CSTPP1: variants seen among roughly 807,000 people sequenced by gnomAD.
CSTPP1 encodes centriolar satellite-associated tubulin polyglutamylase complex regulator 1, also known as UPF0705 protein C11orf49.
At chr11:47,081,841 A>C in the CSTPP1 span, among the ~76,000 whole-genome samples, 1 of 152,012 alleles carries the variant, frequency 6.6e-6, no homozygotes, top group Non-Finnish European at 1.5e-5. Context: ...CTGTAATCCC[A>C]GCACTTTGGG....
At chr11:47,012,517 G>A in the CSTPP1 span, among the ~76,000 whole-genome samples, 2 of 152,000 alleles carry the variant, frequency 1.3e-5, no homozygotes, top group Non-Finnish European at 2.9e-5. Flanking sequence ...TAGGGGATAG[G>A]GGATAGCAAA....
the CSTPP1 span, among the ~76,000 whole-genome samples, chr11:46,962,208 C>T: frequency 6.6e-6 from 1 of 152,116 alleles, no homozygotes; most frequent in Non-Finnish European, 1.5e-5. Context: ...CACAGCCAAG[C>T]CATATCAGGC....
chr11:46,942,444 GAGGTTT>G, the CSTPP1 span, among the ~76,000 whole-genome samples: 1 of 152,170 alleles, frequency 6.6e-6, no homozygotes, highest in Non-Finnish European at 1.5e-5. Flanking sequence ...ATGAGGGCGT[GAGGTTT>G]ATTTTTTACT....
the CSTPP1 span, among the ~76,000 whole-genome samples, chr11:46,978,841 GT>G: frequency 6.6e-6 from 1 of 152,152 alleles, no homozygotes; most frequent in African/African-American, 2.4e-5. Flanking sequence ...TTCTAAGCCC[GT>G]GAGTTTTCAG....
the CSTPP1 span, among the ~76,000 whole-genome samples, chr11:47,110,691 C>A: frequency 1.3e-5 from 2 of 152,164 alleles, no homozygotes; most frequent in African/African-American, 4.8e-5. Flanking sequence ...AAGAAACTGG[C>A]ACAATTTAAA....
At chr11:47,162,985 C>T in the CSTPP1 span, among the ~76,000 whole-genome samples, 3 of 151,982 alleles carry the variant, frequency 2.0e-5, no homozygotes, top group African/African-American at 7.3e-5. Flanking sequence ...TTCAGGACCA[C>T]CCTGGGAAAC....
At chr11:47,141,607 TAA>T in the CSTPP1 span, among the ~76,000 whole-genome samples, 1 of 128,862 alleles carries the variant, frequency 7.8e-6, no homozygotes, top group Admixed American at 7.8e-5. Context: ...ACTCTGTCTT[TAA>T]AAAAAAAAAA....
the CSTPP1 span, chr11:46,936,915 A>C: frequency 2.3e-6 from 1 of 435,622 alleles, no homozygotes; most frequent in Non-Finnish European, 3.2e-6. Flanking sequence ...AGGGTCTGGG[A>C]GGAGGCGGGG....
chr11:47,141,932 CAAAA>C, the CSTPP1 span, among the ~76,000 whole-genome samples: 6 of 37,886 alleles, frequency 1.6e-4, no homozygotes, highest in African/African-American at 4.7e-4. Flanking sequence ...GACTCTGTCT[CAAAA>C]AAAAAAAAAA....
the CSTPP1 span, among the ~76,000 whole-genome samples, chr11:47,128,870 A>G: frequency 6.6e-6 from 1 of 152,156 alleles, no homozygotes; most frequent in Admixed American, 6.5e-5. Context: ...GTGTCTCTGT[A>G]GTAAACTTTT....
chr11:47,156,415 A>T, the CSTPP1 span, among the ~76,000 whole-genome samples: 1 of 152,242 alleles, frequency 6.6e-6, no homozygotes, highest in Non-Finnish European at 1.5e-5. Flanking sequence ...CAGCAGTTCT[A>T]ACAATGGCTC....
the CSTPP1 span, among the ~76,000 whole-genome samples, chr11:47,019,012 AT>A: frequency 6.1e-4 from 89 of 145,790 alleles, no homozygotes; most frequent in Middle Eastern, 3.6e-3. Context: ...GCAAAAGTTT[AT>A]TTTTTTTTTT....
At chr11:46,939,153 C>G in the CSTPP1 span, among the ~76,000 whole-genome samples, 3 of 133,880 alleles carry the variant, frequency 2.2e-5, no homozygotes, top group Admixed American at 2.7e-4. Context: ...TGCAATGATG[C>G]GATCTGGGCT....
At chr11:47,029,133 C>G in the CSTPP1 span, among the ~76,000 whole-genome samples, 1 of 152,130 alleles carries the variant, frequency 6.6e-6, no homozygotes, top group African/African-American at 2.4e-5. Flanking sequence ...GTGTGAGCCA[C>G]TGCACCCAGC....
chr11:47,096,320 G>A, the CSTPP1 span, among the ~76,000 whole-genome samples: 4 of 151,974 alleles, frequency 2.6e-5, no homozygotes, highest in Non-Finnish European at 5.9e-5. Context: ...AACTGAAACC[G>A]TACCCATTAA....
chr11:46,969,030 C>G, the CSTPP1 span, among the ~76,000 whole-genome samples: 1 of 152,190 alleles, frequency 6.6e-6, no homozygotes, highest in Admixed American at 6.5e-5. Flanking sequence ...CTAGAATCCT[C>G]TAGAACCACT....
At chr11:47,109,028 T>A in the CSTPP1 span, 1 of 152,098 alleles carries the variant, frequency 6.6e-6, no homozygotes, top group Non-Finnish European at 1.5e-5. Flanking sequence ...TATAGGGTGA[T>A]AATTGGCCTT....
At chr11:46,998,693 G>C in the CSTPP1 span, among the ~76,000 whole-genome samples, 1 of 152,074 alleles carries the variant, frequency 6.6e-6, no homozygotes, top group African/African-American at 2.4e-5. Flanking sequence ...ATTTGATTTA[G>C]TTAGTGAAAA....
the CSTPP1 span, among the ~76,000 whole-genome samples, chr11:47,075,548 C>A: frequency 6.6e-6 from 1 of 152,102 alleles, no homozygotes; most frequent in South Asian, 2.1e-4. Context: ...TGATGTATAA[C>A]TACTTGCAAA....
Sources: allele counts gnomAD v4.1 joint callset (sites outside exome capture counted in the v4.1 genomes callset), GRCh38; gene constraint gnomAD v4.1.1; transcripts MANE v1.5; gene names NCBI Gene and HGNC (gene_info 2026-07-23, HGNC 2026-07-21).